The following SPOCK1 variants were observed in gnomAD, a reference collection of about 807,000 sequenced individuals.
The protein encoded by SPOCK1 is testican-1.
In SPOCK1, 23 loss-of-function variants were observed where a neutral mutation model predicts 55.3. That is an observed-to-expected ratio of 0.42 (90% CI 0.30 to 0.59). The LOEUF (loss-of-function observed/expected upper bound fraction) is 0.59, where lower values mean the gene tolerates loss of function less well. SPOCK1 is among the 20% of genes least tolerant of loss of function. The probability of loss-of-function intolerance (pLI) is 0.22; values close to 1 mark genes in which losing one functional copy is unlikely to be tolerated. For synonymous variants in SPOCK1, 226 were observed against 221.0 expected, an observed-to-expected ratio of 1.02 and a Z score of -0.20; for missense variants, 499 against 552.5, an observed-to-expected ratio of 0.90 and a Z score of 0.97.
At chr5:137,091,539 T>C (rs1478522975) in intron 5 of SPOCK1, among the ~76,000 whole-genome samples, 1 of 152,142 alleles carries the variant, frequency 6.6e-6, no homozygotes, top group Non-Finnish European at 1.5e-5. Context: ...TAAGGACAAA[T>C]AAAAATAACA....
intron 3 of SPOCK1, among the ~76,000 whole-genome samples, chr5:137,228,459 G>A (rs1277366558): frequency 6.6e-6 from 1 of 152,114 alleles, no homozygotes; most frequent in African/African-American, 2.4e-5. Flanking sequence ...TGGCCAACAT[G>A]GTGAAACTCC....
intron 2 of SPOCK1, among the ~76,000 whole-genome samples, chr5:137,481,800 C>T (rs544598979): frequency 1.3e-5 from 2 of 152,320 alleles, no homozygotes; most frequent in African/African-American, 4.8e-5. Flanking sequence ...AAGGCTATGA[C>T]ATTACAGGTT....
intron 3 of SPOCK1, among the ~76,000 whole-genome samples, chr5:137,265,348 T>G (rs2127115367): frequency 6.6e-6 from 1 of 152,352 alleles, no homozygotes; most frequent in South Asian, 2.1e-4. Flanking sequence ...ATTTGATCCT[T>G]ATAGCACAAG....
chr5:137,472,536 G>C (rs1753757303), intron 2 of SPOCK1, among the ~76,000 whole-genome samples: 1 of 152,200 alleles, frequency 6.6e-6, no homozygotes, highest in Admixed American at 6.5e-5. Flanking sequence ...CCCATGGAAG[G>C]GGAGTGTAAT....
At chr5:137,226,791 G>A (rs764295455) in intron 3 of SPOCK1, among the ~76,000 whole-genome samples, 1 of 152,146 alleles carries the variant, frequency 6.6e-6, no homozygotes, top group African/African-American at 2.4e-5. Context: ...TCCAGTTTAA[G>A]TATAACTACC....
chr5:136,978,885 T>A, intron 10 of SPOCK1, 41 bp from the exon 11 acceptor site: 1 of 1,567,528 alleles, frequency 6.4e-7, no homozygotes, highest in Non-Finnish European at 8.6e-7. Flanking sequence ...TTTCCACTTA[T>A]ACCTCATGAC....
intron 2 of SPOCK1, among the ~76,000 whole-genome samples, chr5:137,489,146 C>T (rs1754122545): frequency 6.6e-6 from 1 of 152,176 alleles, no homozygotes; most frequent in Admixed American, 6.5e-5. Flanking sequence ...AATGGGCAGA[C>T]TCAGACCCAA....
chr5:137,337,152 G>T (rs1374925770), intron 2 of SPOCK1, among the ~76,000 whole-genome samples: 14 of 152,114 alleles, frequency 9.2e-5, no homozygotes, highest in Non-Finnish European at 1.5e-5. Flanking sequence ...GTAATTCTAG[G>T]CACAGGCTCA....
intron 3 of SPOCK1, among the ~76,000 whole-genome samples, chr5:137,194,162 G>A (rs983422266): frequency 1.5e-4 from 23 of 152,192 alleles, no homozygotes; most frequent in African/African-American, 5.5e-4. Flanking sequence ...CTGGCAGAAG[G>A]CAGGGAGAGC....
At chr5:137,068,992 T>C (rs544157688) in intron 5 of SPOCK1, among the ~76,000 whole-genome samples, 5 of 152,330 alleles carry the variant, frequency 3.3e-5, no homozygotes, top group Admixed American at 1.3e-4. Context: ...CCACTGTGCA[T>C]GCAGCTCTTA....
intron 2 of SPOCK1, among the ~76,000 whole-genome samples, chr5:137,343,291 C>T (rs1750479208): frequency 6.6e-6 from 1 of 152,206 alleles, no homozygotes; most frequent in South Asian, 2.1e-4. Flanking sequence ...AACCATATAT[C>T]ATTTCCTTTC....
intron 2 of SPOCK1, among the ~76,000 whole-genome samples, chr5:137,428,728 G>A (rs562672852): frequency 2.0e-5 from 3 of 152,224 alleles, no homozygotes; most frequent in East Asian, 1.9e-4. Context: ...CCACCCACCC[G>A]CAAAGACAGA....
At position 137,480,005 on chromosome 5, in the gene SPOCK1, T is replaced by G. The variant is rs113302030; in HGVS notation, c.186+18368A>C. ...AGACATTCATCCCCACTCAGACTCC[T>G]CAAGCCACAAGTCAAGACTGTGCAG... On this transcript the variant is annotated intron_variant, in intron 2 of 10. Transcript: ENST00000394945. 3.3e-4 allele frequency among the ~76,000 whole-genome samples: 50 copies of G among 152,178 alleles called. No homozygotes were observed. The Middle Eastern group carries it at 0.02, about 62-fold the overall frequency.
At chr5:136,999,739 T>C (rs1255319029) in intron 6 of SPOCK1, among the ~76,000 whole-genome samples, 1 of 152,206 alleles carries the variant, frequency 6.6e-6, no homozygotes, top group Non-Finnish European at 1.5e-5. Context: ...ATAGTGTTAC[T>C]ATCTAATAGA....
chr5:137,272,402 T>C (rs531545700), intron 2 of SPOCK1, among the ~76,000 whole-genome samples: 2 of 152,312 alleles, frequency 1.3e-5, no homozygotes, highest in South Asian at 2.1e-4. Flanking sequence ...TTGCCTGTAA[T>C]TTTGTGTGCA....
At chr5:137,129,856 C>T (rs146282961) in intron 4 of SPOCK1, among the ~76,000 whole-genome samples, 2 of 152,150 alleles carry the variant, frequency 1.3e-5, no homozygotes, top group Admixed American at 1.3e-4. Context: ...TTTAGCTACA[C>T]CTACATTTTA....
intron 2 of SPOCK1, among the ~76,000 whole-genome samples, chr5:137,393,365 G>C (rs965376839): frequency 6.6e-6 from 1 of 152,186 alleles, no homozygotes; most frequent in South Asian, 2.1e-4. Context: ...ACATGCCTGA[G>C]CTAGCTTCTA....
At chr5:137,126,455 G>A (rs1753783847) in intron 4 of SPOCK1, among the ~76,000 whole-genome samples, 1 of 152,152 alleles carries the variant, frequency 6.6e-6, no homozygotes, top group South Asian at 2.1e-4. Context: ...ACATAAATGA[G>A]GAATATATTA....
chr5:137,149,199 T>C (rs146567771), intron 3 of SPOCK1, among the ~76,000 whole-genome samples: 1 of 152,270 alleles, frequency 6.6e-6, no homozygotes, highest in East Asian at 1.9e-4. Flanking sequence ...TTCTGTGAAG[T>C]GTGCGTATGT....
Sources: gnomAD v4.1 joint callset for allele counts (sites outside exome capture counted in the v4.1 genomes callset) on GRCh38, gnomAD v4.1.1 for gene constraint, MANE v1.5 for transcripts, NCBI Gene and HGNC (gene_info 2026-07-23, HGNC 2026-07-21) for gene names.